The following TUBGCP3 variants were observed in gnomAD, a reference collection of about 807,000 sequenced individuals.
The protein encoded by TUBGCP3 is gamma-tubulin complex component 3.
A neutral mutation model predicts 123.1 loss-of-function variants in TUBGCP3; 50 were observed. The ratio of observed to expected loss-of-function variants is 0.41; its 90% CI spans 0.32 to 0.51. The LOEUF (loss-of-function observed/expected upper bound fraction) is 0.51, where lower values mean the gene tolerates loss of function less well. Among genes scored for constraint, TUBGCP3 ranks in the 20% least tolerant of loss-of-function variants. The pLI is 0.36. For synonymous variants in TUBGCP3, 405 were observed against 413.9 expected (o/e 0.98, Z 0.26); for missense variants, 882 against 1,127.0 (o/e 0.78, Z 3.11).
chr13:112,563,892 T>G (rs1457434581), intron 3 of TUBGCP3, among the ~76,000 whole-genome samples: 2 of 150,138 alleles, frequency 1.3e-5, no homozygotes, highest in Non-Finnish European at 3.0e-5. Flanking sequence ...AAAAAAAGTG[T>G]CTAAATATGT....
Position 112,504,607 on chromosome 13 carries a change from C to T in TUBGCP3, c.2175+19G>A. 6.2e-7 allele frequency: 1 copy of T among 1,604,412 alleles called. No homozygotes were observed. ...CATGACTTATTTAAACTAAAATCAA[C>T]ACAATGACTGAAGTGTACCTCAAAT... On this transcript the variant is annotated intron_variant, in intron 18 of 21. Transcript: ENST00000261965.
At chr13:112,504,196 G>A (rs1189307438) in intron 18 of TUBGCP3, 33 bp from the exon 19 acceptor site, 1 of 1,613,536 alleles carries the variant, frequency 6.2e-7, no homozygotes, top group Non-Finnish European at 8.5e-7. Context: ...CGCTAGATAA[G>A]CTCATGTCCT....
At chr13:112,556,576 G>A (rs1880065350) in intron 5 of TUBGCP3, among the ~76,000 whole-genome samples, 1 of 152,042 alleles carries the variant, frequency 6.6e-6, no homozygotes, top group African/African-American at 2.4e-5. Context: ...TAACCACTTT[G>A]AAATTCTCTA....
At chr13:112,530,584 C>T (rs1877493418) in intron 11 of TUBGCP3, among the ~76,000 whole-genome samples, 2 of 152,220 alleles carry the variant, frequency 1.3e-5, no homozygotes. Flanking sequence ...CCACAGCTTC[C>T]ACCGGCCGAC....
At position 112,548,253 on chromosome 13, in the gene TUBGCP3, G is replaced by A. The variant is rs1594180115; in HGVS notation, c.967-77C>T. On this transcript the variant is annotated intron_variant, in intron 8 of 21. Coordinates refer to ENST00000261965, the MANE Select transcript of TUBGCP3 (RefSeq NM_006322.6). ...CTGATTTTAAGTGGAAAGGTATAAT[G>A]CGTTTAGATAAAGTTCAGGTGGGGT... 4 of 1,184,802 alleles carry A rather than the reference G, an allele frequency of 3.4e-6. No individual in the cohort carries two copies. The East Asian group carries it at 7.3e-5, about 22-fold the overall frequency. 73.4% of individuals were successfully genotyped at this position (1,184,802 alleles called of 1,614,324 possible). A position where few individuals can be genotyped will look rare whatever the true frequency, so the allele number is the denominator to read the frequency against.
At chr13:112,490,770 A>G (rs1347809640) in intron 20 of TUBGCP3, among the ~76,000 whole-genome samples, 1 of 152,206 alleles carries the variant, frequency 6.6e-6, no homozygotes, top group African/African-American at 2.4e-5. Context: ...TACACAATTT[A>G]GAAACTTGGA....
intron 16 of TUBGCP3, 66 bp from the exon 17 acceptor site, chr13:112,516,641 A>G: frequency 6.8e-7 from 1 of 1,476,070 alleles, no homozygotes; most frequent in Non-Finnish European, 9.0e-7. Flanking sequence ...TACAGGTCTC[A>G]ATCTTTTTTT....
At chr13:112,492,700 A>C (rs1880184678) in intron 20 of TUBGCP3, among the ~76,000 whole-genome samples, 1 of 142,554 alleles carries the variant, frequency 7.0e-6, no homozygotes, top group Admixed American at 7.0e-5. Flanking sequence ...TGCCTGAGAC[A>C]CCCTGGCTAT....
At chr13:112,497,071 G>A (rs1241062572) in intron 20 of TUBGCP3, among the ~76,000 whole-genome samples, 9 of 152,092 alleles carry the variant, frequency 5.9e-5, no homozygotes, top group Non-Finnish European at 1.3e-4. Context: ...CTTGGGGCAC[G>A]TGGGCAGTTT....
intron 11 of TUBGCP3, among the ~76,000 whole-genome samples, chr13:112,535,413 G>A (rs567635139): frequency 2.4e-4 from 37 of 152,122 alleles, no homozygotes; most frequent in Non-Finnish European, 4.7e-4. Flanking sequence ...AACCAGCAAC[G>A]ATGCAGTTCC....
chr13:112,571,211 G>T (rs897203494), intron 1 of TUBGCP3, among the ~76,000 whole-genome samples: 4 of 152,070 alleles, frequency 2.6e-5, no homozygotes, highest in Non-Finnish European at 5.9e-5. Context: ...AATTTACTTT[G>T]CCCAGATCCA....
At chr13:112,549,061 A>G (rs1171105473) in intron 8 of TUBGCP3, among the ~76,000 whole-genome samples, 1 of 152,216 alleles carries the variant, frequency 6.6e-6, no homozygotes, top group African/African-American at 2.4e-5. Flanking sequence ...CACTATTCAC[A>G]ATAGCAAAGA....
chr13:112,557,921 G>A (rs1834693902), intron 5 of TUBGCP3, among the ~76,000 whole-genome samples: 1 of 152,210 alleles, frequency 6.6e-6, no homozygotes, highest in Admixed American at 6.5e-5. Flanking sequence ...CTTTGCACAG[G>A]GTACTTCAAG....
chr13:112,519,354 C>T lies in TUBGCP3; in HGVS notation c.1882-311G>A, dbSNP rs1876423520. Among the ~76,000 whole-genome samples, 1 of 152,174 alleles carries T rather than the reference C, an allele frequency of 6.6e-6. No homozygotes were observed. The highest frequency in any genetic ancestry group is 1.5e-5 in the Non-Finnish European group (1 of 68,026). ...TAAATATGTTCCAAATCTTTTTATT[C>T]CAAGATGACTCTTGCAATATTTTAA... On this transcript the variant is annotated intron_variant, in intron 15 of 21. Transcript: ENST00000261965. The surrounding 1 kb of genome is among the most constrained non-coding windows in gnomAD (Gnocchi z 6.2).
the TUBGCP3 span, among the ~76,000 whole-genome samples, chr13:112,600,902 A>G: frequency 6.6e-6 from 1 of 152,132 alleles, no homozygotes; most frequent in Non-Finnish European, 1.5e-5. Flanking sequence ...TTTTAATTTA[A>G]TTTTAAAACA....
At chr13:112,581,395 A>G (rs7328174) in intron 1 of TUBGCP3, among the ~76,000 whole-genome samples, 45,203 of 151,998 alleles carry the variant, frequency 0.3, 7,385 homozygotes, top group African/African-American at 0.42. Flanking sequence ...TTAATTTTAC[A>G]AATATTAAAA....
At chr13:112,601,432 T>G in the TUBGCP3 span, among the ~76,000 whole-genome samples, 25,617 of 152,076 alleles carry the variant, frequency 0.17, 3,379 homozygotes, top group African/African-American at 0.36. Flanking sequence ...TTGAGATGAG[T>G]GTGGATTCAT....
At chr13:112,501,967 T>C (rs1256229040) in intron 19 of TUBGCP3, among the ~76,000 whole-genome samples, 12 of 152,214 alleles carry the variant, frequency 7.9e-5, no homozygotes, top group Admixed American at 7.9e-4. Context: ...CTAAGTCTCC[T>C]ACATTCTCCG....
intron 21 of TUBGCP3, among the ~76,000 whole-genome samples, chr13:112,488,520 G>C (rs574415723): frequency 6.6e-6 from 1 of 152,180 alleles, no homozygotes; most frequent in Non-Finnish European, 1.5e-5. Flanking sequence ...AGTCCCCATC[G>C]GGAGTCACTG....
Sources: allele counts gnomAD v4.1 joint callset (sites outside exome capture counted in the v4.1 genomes callset), GRCh38; gene constraint gnomAD v4.1.1; non-coding constraint Gnocchi (gnomAD v3.1); transcripts MANE v1.5; gene names NCBI Gene and HGNC (gene_info 2026-07-23, HGNC 2026-07-21).